Variants in DPY19L2 observed in about 807,000 individuals in gnomAD.
DPY19L2 encodes dpy-19 like 2.
A neutral mutation model predicts 97.9 loss-of-function variants in DPY19L2; 34 were observed. The observed-to-expected ratio is 0.35, with a 90% confidence interval of 0.26 to 0.46. The LOEUF (loss-of-function observed/expected upper bound fraction) is 0.46. DPY19L2 is among the 20% of genes least tolerant of loss of function. DPY19L2 has a pLI of 1.00. For synonymous variants in DPY19L2, 230 were observed against 307.9 expected, an observed-to-expected ratio of 0.75 and a Z score of 2.65; for missense variants, 623 against 911.4, an observed-to-expected ratio of 0.68 and a Z score of 4.07.
At chr12:63,668,582 G>T, upstream of DPY19L2, 1 of 632,494 alleles carries the variant, frequency 1.6e-6, no homozygotes, top group African/African-American at 1.8e-5. Context: ...ATTCGCGCGG[G>T]CAGTCCCTGA....
At chr12:63,593,598 C>T (rs1485059844) in intron 16 of DPY19L2, among the ~76,000 whole-genome samples, 1 of 151,854 alleles carries the variant, frequency 6.6e-6, no homozygotes, top group Non-Finnish European at 1.5e-5. Context: ...AATGAGAACA[C>T]ATGGACACAG....
intron 19 of DPY19L2, among the ~76,000 whole-genome samples, chr12:63,577,814 A>G (rs976031933): frequency 1.3e-5 from 2 of 152,120 alleles, no homozygotes; most frequent in Non-Finnish European, 2.9e-5. Flanking sequence ...AACGATGTGG[A>G]GAAAAGGGAA....
rs1882478786 is a variant in DPY19L2 at position 63,589,394 on chromosome 12, T to TAAAAAAAAAAAAAAAAAAAA, written c.1580+4692_1580+4693insTTTTTTTTTTTTTTTTTTTT. 2.7e-4 allele frequency among the ~76,000 whole-genome samples: 12 copies of TAAAAAAAAAAAAAAAAAAAA among 43,720 alleles called. No individual in the cohort carries two copies. In the East Asian group the frequency reaches 3.5e-3, roughly 13 times the overall value. 28.7% of individuals were successfully genotyped at this position (43,720 alleles called of 152,430 possible). On this transcript the variant is annotated intron_variant, in intron 16 of 21. Transcript: ENST00000324472. ...AAAAAAAAAAAAAAAAAAAAAAAAG[T>TAAAAAAAAAAAAAAAAAAAA]AAAGCAGCTTTCCTATAAACTAAAA...
chr12:63,629,789 G>A (rs1366139618), intron 6 of DPY19L2, among the ~76,000 whole-genome samples: 11 of 152,228 alleles, frequency 7.2e-5, no homozygotes, highest in Non-Finnish European at 2.9e-5. Flanking sequence ...TGGAAATGCA[G>A]GAAAAACTGT....
Position 63,650,479 on chromosome 12 carries a change from G to A in DPY19L2, c.589-3114C>T, listed in dbSNP as rs147383621. Among the ~76,000 whole-genome samples, 684 of 152,102 alleles carry A rather than the reference G, an allele frequency of 4.5e-3. 12 individuals carry two copies. Among genetic ancestry groups the A allele is most frequent in the African/African-American group, 0.015 (641 of 41,498 alleles). Reference sequence around the variant, plus strand: ...TTTTTAAAACTTCAGCAAACTTTCCGGATGTAAAATCAATGTACCAAAGTC... The same window carrying A: ...TTTTTAAAACTTCAGCAAACTTTCCAGATGTAAAATCAATGTACCAAAGTC... On this transcript the variant is annotated intron_variant, in intron 4 of 21. Transcript: ENST00000324472.
chr12:63,600,177 A>G (rs1000628322), intron 13 of DPY19L2, 129 bp downstream of exon 13: 251 of 652,090 alleles, frequency 3.8e-4, no homozygotes, highest in Middle Eastern at 4.6e-4. Context: ...TCTGCCAATA[A>G]CTCGTCTAGA....
At chr12:63,656,864 T>C (rs938422902) in intron 4 of DPY19L2, among the ~76,000 whole-genome samples, 2 of 149,652 alleles carry the variant, frequency 1.3e-5, no homozygotes, top group African/African-American at 5.0e-5. Context: ...ATATCTAGCA[T>C]TTCCCTTTGA....
chr12:63,613,784 AATAAG>A (rs1353902547), intron 11 of DPY19L2, among the ~76,000 whole-genome samples: 1 of 152,120 alleles, frequency 6.6e-6, no homozygotes, highest in East Asian at 1.9e-4. Context: ...TAAAAAAAGA[AATAAG>A]ATAAAAAGTA....
chr12:63,628,894 C>T (rs972624802), intron 6 of DPY19L2, among the ~76,000 whole-genome samples: 1 of 151,400 alleles, frequency 6.6e-6, no homozygotes, highest in Non-Finnish European at 1.5e-5. Flanking sequence ...CAGGCAGCAA[C>T]ATTTGCTGTT....
intron 6 of DPY19L2, among the ~76,000 whole-genome samples, chr12:63,626,852 T>C (rs990696918): frequency 5.9e-5 from 9 of 152,010 alleles, no homozygotes; most frequent in African/African-American, 2.2e-4. Context: ...AATCTCAGCT[T>C]ACAGCAACCT....
intron 6 of DPY19L2, among the ~76,000 whole-genome samples, chr12:63,627,163 C>A (rs1889699400): frequency 6.6e-6 from 1 of 152,112 alleles, no homozygotes; most frequent in Admixed American, 6.5e-5. Flanking sequence ...AAATTTTTAT[C>A]TTTTGAAATT....
At chr12:63,633,066 A>C (rs547082493) in intron 6 of DPY19L2, among the ~76,000 whole-genome samples, 6 of 152,298 alleles carry the variant, frequency 3.9e-5, no homozygotes, top group African/African-American at 1.2e-4. Flanking sequence ...AAATTAATTC[A>C]AGATTGATTA....
chr12:63,577,146 CT>C (rs1417989515), intron 19 of DPY19L2, among the ~76,000 whole-genome samples: 22 of 151,982 alleles, frequency 1.4e-4, no homozygotes, highest in Admixed American at 1.4e-3. Flanking sequence ...CTACAGTAAA[CT>C]CATTTTTTAC....
chr12:63,667,441 T>G (rs1896460973), intron 1 of DPY19L2, among the ~76,000 whole-genome samples: 1 of 152,066 alleles, frequency 6.6e-6, no homozygotes, highest in Non-Finnish European at 1.5e-5. Context: ...ATGCCAGTAT[T>G]CTAAATGCTT....
At chr12:63,594,581 A>ATGTGTGTG (rs146124553) in intron 15 of DPY19L2, among the ~76,000 whole-genome samples, 2 of 143,234 alleles carry the variant, frequency 1.4e-5, no homozygotes, top group Non-Finnish European at 3.1e-5. Flanking sequence ...GGATGTTTGT[A>ATGTGTGTG]TGTGTGTGTG....
chr12:63,645,761 T>C (rs552275768), intron 5 of DPY19L2, among the ~76,000 whole-genome samples: 1 of 152,280 alleles, frequency 6.6e-6, no homozygotes, highest in South Asian at 2.1e-4. Context: ...ATTTCCACAT[T>C]ATCTTTCCTG....
rs551799605 is a variant in DPY19L2, at chr12:63,637,795, A to C, written c.803+6608T>G. Among the ~76,000 whole-genome samples, 60 of 152,284 alleles carry C rather than the reference A, an allele frequency of 3.9e-4. 2 individuals carry two copies. The South Asian group carries it at 0.012, about 30-fold the overall frequency. On this transcript the variant is annotated intron_variant, in intron 6 of 21. Coordinates refer to ENST00000324472, the MANE Select transcript of DPY19L2 (RefSeq NM_173812.5). ...ACCAGAGGTACAAAGAGGAACTGGT[A>C]CCATTCCTTCTGAAACTATTCCAAT...
At chr12:63,591,443 A>G (rs1882884521) in intron 16 of DPY19L2, among the ~76,000 whole-genome samples, 1 of 152,196 alleles carries the variant, frequency 6.6e-6, no homozygotes. Flanking sequence ...ACAAGACTGT[A>G]CATGTGCCCC....
intron 11 of DPY19L2, among the ~76,000 whole-genome samples, chr12:63,614,888 C>T (rs1887597719): frequency 6.6e-6 from 1 of 152,064 alleles, no homozygotes; most frequent in Non-Finnish European, 1.5e-5. Flanking sequence ...CAATGAGCAT[C>T]CTTGGGTCCC....
Sources: gnomAD v4.1 joint callset for allele counts (sites outside exome capture counted in the v4.1 genomes callset) on GRCh38, gnomAD v4.1.1 for gene constraint, MANE v1.5 for transcripts, NCBI Gene and HGNC (gene_info 2026-07-23, HGNC 2026-07-21) for gene names.